GRIK4: variants seen among roughly 807,000 people sequenced by gnomAD.
GRIK4 encodes glutamate ionotropic receptor kainate type subunit 4, also known as glutamate receptor ionotropic, kainate 4.
In GRIK4, 40 loss-of-function variants were observed where a neutral mutation model predicts 104.9. That is an observed-to-expected ratio of 0.38 (90% CI 0.30 to 0.50). GRIK4 has a LOEUF of 0.50. Ranked by LOEUF, GRIK4 falls within the 20% of genes least tolerant of loss-of-function variation. The probability of loss-of-function intolerance (pLI) is 0.93; values close to 1 mark genes in which losing one functional copy is unlikely to be tolerated. For synonymous variants in GRIK4, 485 were observed against 524.9 expected, an observed-to-expected ratio of 0.92 and a Z score of 1.04; for missense variants, 1,047 against 1,308.1, an observed-to-expected ratio of 0.80 and a Z score of 3.08.
At chr11:120,627,815 C>T (rs1306023608) in intron 1 of GRIK4, among the ~76,000 whole-genome samples, 1 of 152,216 alleles carries the variant, frequency 6.6e-6, no homozygotes, top group Non-Finnish European at 1.5e-5. Flanking sequence ...GCTGCATCCT[C>T]CCCTTTTCCA....
chr11:120,871,158 T>C (rs1954599106), intron 9 of GRIK4: 1 of 160,098 alleles, frequency 6.2e-6, no homozygotes, highest in South Asian at 1.8e-4. Context: ...CAGAAATTGG[T>C]TTATAGCATC....
chr11:120,777,231 T>A (rs1952061532), intron 3 of GRIK4, among the ~76,000 whole-genome samples: 1 of 152,224 alleles, frequency 6.6e-6, no homozygotes, highest in Admixed American at 6.5e-5. Context: ...CTAACACATT[T>A]TCTGCTCTTT....
chr11:120,860,357 G>A (rs1264248690), intron 8 of GRIK4, among the ~76,000 whole-genome samples: 1 of 152,268 alleles, frequency 6.6e-6, no homozygotes, highest in East Asian at 1.9e-4. Context: ...TGGGGGCCAG[G>A]GCTCAGAGCT....
At chr11:120,871,515 CA>C (rs1954609234) in intron 9 of GRIK4, 3 of 430,532 alleles carry the variant, frequency 7.0e-6, no homozygotes, top group Non-Finnish European at 1.4e-5. Flanking sequence ...CCTAGCTCAG[CA>C]AGACTGCAGA....
chr11:120,820,143 A>G (rs1280303152), intron 6 of GRIK4, among the ~76,000 whole-genome samples: 1 of 147,004 alleles, frequency 6.8e-6, no homozygotes, highest in African/African-American at 2.5e-5. Flanking sequence ...AAAAGAGAGA[A>G]AGAGAGAGAG....
chr11:120,528,107 G>A (rs1045058669), intron 1 of GRIK4, among the ~76,000 whole-genome samples: 4 of 152,194 alleles, frequency 2.6e-5, no homozygotes, highest in African/African-American at 9.6e-5. Flanking sequence ...GGGACCACAG[G>A]CATGGGCCAC....
intron 3 of GRIK4, among the ~76,000 whole-genome samples, chr11:120,796,019 GGT>G (rs1555067129): frequency 7.7e-6 from 1 of 130,314 alleles, no homozygotes; most frequent in African/African-American, 2.9e-5. Flanking sequence ...GTTATTTTTT[GGT>G]TTTTTTTTCC....
intron 6 of GRIK4, among the ~76,000 whole-genome samples, chr11:120,827,209 G>A (rs930861318): frequency 1.3e-5 from 2 of 152,110 alleles, no homozygotes; most frequent in Non-Finnish European, 2.9e-5. Context: ...CAGACTCATC[G>A]CTTAGGTCTT....
chr11:120,950,737 G>A (rs1943981163), intron 14 of GRIK4, among the ~76,000 whole-genome samples: 2 of 152,150 alleles, frequency 1.3e-5, no homozygotes, highest in South Asian at 2.1e-4. Context: ...TGGCTCTTAG[G>A]ATGATGAAGG....
At chr11:120,892,758 C>A (rs1404542173) in intron 11 of GRIK4, among the ~76,000 whole-genome samples, 1 of 152,166 alleles carries the variant, frequency 6.6e-6, no homozygotes, top group Non-Finnish European at 1.5e-5. Flanking sequence ...ACAGTCATCT[C>A]CTTTCCAAAG....
chr11:120,773,779 T>A (rs1951989836), intron 3 of GRIK4, among the ~76,000 whole-genome samples: 1 of 152,222 alleles, frequency 6.6e-6, no homozygotes, highest in Non-Finnish European at 1.5e-5. Flanking sequence ...TGGGACTTTA[T>A]AACCACAGAC....
chr11:120,648,085 G>T (rs537626750), intron 1 of GRIK4, among the ~76,000 whole-genome samples: 1 of 152,346 alleles, frequency 6.6e-6, no homozygotes, highest in African/African-American at 2.4e-5. Flanking sequence ...TCCCATCCTT[G>T]TTGAGAGCAG....
Position 120,875,159 on chromosome 11 carries a change from C to G in GRIK4, c.1080C>G (p.Thr360=). The G allele has an allele frequency of 6.2e-7, 1 of 1,609,812 alleles. No individual in the cohort carries two copies. Among genetic ancestry groups the G allele is most frequent in the Non-Finnish European group, 8.5e-7 (1 of 1,176,194 alleles). The change falls in exon 11 of 21, where the codon ACC becomes ACG. Residue 360 remains threonine, a synonymous_variant. Coordinates refer to ENST00000527524, the MANE Select transcript of GRIK4 (RefSeq NM_014619.5). ...YLRMVELEGL[T]GHIEFNSKGQ... ...GACAGGTAGAATTGGAAGGTCTTACCGGCCACATTGAATTCAACAGCAAAG... is the reference window on the plus strand; with the variant it reads ...GACAGGTAGAATTGGAAGGTCTTACGGGCCACATTGAATTCAACAGCAAAG...
chr11:120,634,186 C>T (rs932466680), intron 1 of GRIK4, among the ~76,000 whole-genome samples: 4 of 152,148 alleles, frequency 2.6e-5, no homozygotes, highest in Admixed American at 6.5e-5. Context: ...TGTAAGCCGC[C>T]GAATAAATGG....
intron 3 of GRIK4, among the ~76,000 whole-genome samples, chr11:120,662,300 G>A (rs1199917994): frequency 1.3e-5 from 2 of 152,170 alleles, no homozygotes; most frequent in African/African-American, 2.4e-5. Flanking sequence ...ACTTCCAGCC[G>A]CTTTCCAGCC....
chr11:120,555,584 C>T lies in GRIK4; in HGVS notation c.-159+43697C>T, dbSNP rs1251665447. ...CTCCCTCACGGTCCGCCTGCCTTTCCCGACCTACCCACTTCTGGGGAGTTT... is the reference window on the plus strand; with the variant it reads ...CTCCCTCACGGTCCGCCTGCCTTTCTCGACCTACCCACTTCTGGGGAGTTT... On this transcript the variant is annotated intron_variant, in intron 1 of 20. Transcript: ENST00000527524. The surrounding 1 kb of genome is among the most constrained non-coding windows in gnomAD (Gnocchi z 5.3). Among the ~76,000 whole-genome samples the T allele has an allele frequency of 1.3e-5, 2 of 152,198 alleles. No homozygotes were observed.
intron 8 of GRIK4, among the ~76,000 whole-genome samples, chr11:120,846,440 G>A (rs890925477): frequency 2.6e-5 from 4 of 152,166 alleles, no homozygotes; most frequent in African/African-American, 7.2e-5. Flanking sequence ...TCTTCTTTGG[G>A]AGTTTGGATG....
chr11:120,771,790 A>G (rs952928489), intron 3 of GRIK4, among the ~76,000 whole-genome samples: 4 of 152,228 alleles, frequency 2.6e-5, no homozygotes, highest in African/African-American at 9.6e-5. Flanking sequence ...GGGTGCAGGT[A>G]TGTGGGGGCA....
At chr11:120,678,632 T>C (rs1565290254) in intron 3 of GRIK4, among the ~76,000 whole-genome samples, 3 of 138,490 alleles carry the variant, frequency 2.2e-5, no homozygotes. Flanking sequence ...TTTTTTTTTT[T>C]TGTTTTAGTT....
Sources: allele counts gnomAD v4.1 joint callset (sites outside exome capture counted in the v4.1 genomes callset), GRCh38; gene constraint gnomAD v4.1.1; non-coding constraint Gnocchi (gnomAD v3.1); transcripts MANE v1.5; gene names NCBI Gene and HGNC (gene_info 2026-07-23, HGNC 2026-07-21).